Variants in DYSF observed in about 807,000 individuals in gnomAD.
DYSF encodes dysferlin.
Under a neutral mutation model 274.9 loss-of-function variants are expected in DYSF, and 212 were observed. The ratio of observed to expected loss-of-function variants is 0.77; its 90% CI spans 0.69 to 0.86. The LOEUF (loss-of-function observed/expected upper bound fraction) is 0.86, where lower values mean the gene tolerates loss of function less well. Among genes scored for constraint, DYSF ranks in the 40% least tolerant of loss-of-function variants. DYSF has a pLI of 0.00. For missense variants in DYSF, 2,666 were observed against 2,783.2 expected, an observed-to-expected ratio of 0.96 and a Z score of 0.95; for synonymous variants, 1,091 against 1,078.7, an observed-to-expected ratio of 1.01 and a Z score of -0.22.
intron 1 of DYSF, among the ~76,000 whole-genome samples, chr2:71,472,446 G>A (rs979352052): frequency 6.6e-6 from 1 of 151,708 alleles, no homozygotes; most frequent in East Asian, 1.9e-4. Context: ...TCATTCTGTC[G>A]CCCAGGCTGG....
rs548993658 is a variant in DYSF, at chr2:71,535,100, T to C, written c.1449+11T>C. 40 of 1,613,956 alleles carry C rather than the reference T, an allele frequency of 2.5e-5. No individual in the cohort carries two copies. The highest frequency in any genetic ancestry group is 3.4e-5 in the Non-Finnish European group (40 of 1,179,970). ...ACACTGCCTGCCATGGTGAGCCTCC[T>C]GCCCCCAGCAAACCCAAGGAGGCCC... is the stretch of plus-strand genomic sequence containing the variant. On this transcript the variant is annotated intron_variant, in intron 15 of 55. Transcript: ENST00000410020.
upstream of DYSF, chr2:71,466,626 T>A (rs2081550536): frequency 1.6e-6 from 2 of 1,280,360 alleles, no homozygotes; most frequent in African/African-American, 1.6e-5. Flanking sequence ...CGGATCTGGG[T>A]AGGGGCCGGA....
At chr2:71,685,491 G>A (rs2095346091) in intron 55 of DYSF, among the ~76,000 whole-genome samples, 1 of 152,210 alleles carries the variant, frequency 6.6e-6, no homozygotes, top group South Asian at 2.1e-4. Flanking sequence ...GATGATGAGG[G>A]CCGGGCCCTG....
intron 17 of DYSF, among the ~76,000 whole-genome samples, chr2:71,547,936 A>G (rs183414436): frequency 6.6e-6 from 1 of 152,284 alleles, no homozygotes; most frequent in East Asian, 1.9e-4. Context: ...CCTGTTAGTA[A>G]TCATTTAGAA....
intron 30 of DYSF, among the ~76,000 whole-genome samples, chr2:71,584,797 G>A (rs2093011374): frequency 6.6e-6 from 1 of 152,222 alleles, no homozygotes; most frequent in African/African-American, 2.4e-5. Flanking sequence ...CAGCCAAGGA[G>A]GTGCCCATAC....
intron 17 of DYSF, chr2:71,549,276 C>CA: frequency 6.8e-7 from 1 of 1,460,002 alleles, no homozygotes; most frequent in South Asian, 1.2e-5. Context: ...TCTCCATCCA[C>CA]AGCCTGTTCA....
chr2:71,618,608 GGTGTGGTAGAGGTGGTGT>G (rs1363012501), intron 40 of DYSF, among the ~76,000 whole-genome samples: 3 of 36,168 alleles, frequency 8.3e-5, no homozygotes, highest in Non-Finnish European at 1.9e-4. Flanking sequence ...AGAGGTGGTG[GGTGTGGTAGAGGTGGTGT>G]GTGTGTTACA....
intron 40 of DYSF, among the ~76,000 whole-genome samples, chr2:71,618,568 T>TGTGGGGTAGAGTTGTGTG (rs2093996474): frequency 5.7e-5 from 1 of 17,538 alleles, no homozygotes; most frequent in South Asian, 1.4e-3. Flanking sequence ...GAGTGTGTGT[T>TGTGGGGTAGAGTTGTGTG]TGTGTGGGGT....
Position 71,660,548 on chromosome 2 carries a change from C to T in DYSF, c.4912-12C>T, listed in dbSNP as rs2152943150. On this transcript the variant is annotated splice_polypyrimidine_tract_variant and intron_variant, in intron 44 of 55. Transcript: ENST00000410020. ...AAGTGTTTTCACAGAAGTGTTTTGT[C>T]TCCTCCTCCAGTGTGATCCTTACAT... is the stretch of plus-strand genomic sequence containing the variant. 6.2e-7 allele frequency: 1 copy of T among 1,611,028 alleles called. No homozygotes were observed.
chr2:71,535,299 G>A lies in DYSF; in HGVS notation c.1481G>A (p.Arg494His), dbSNP rs199879861. 1.4e-4 allele frequency: 227 copies of A among 1,614,010 alleles called. No homozygotes were observed. The highest frequency in any genetic ancestry group is 1.8e-4 in the Non-Finnish European group (217 of 1,180,008). Residue 494 changes from arginine (R) to histidine (H), a missense_variant, in exon 16 of 56, where the codon CGT becomes CAT. By Grantham distance (29) the Arg-to-His change is conservative. This residue lies in a region of DYSF where 794 missense variants were observed against 777.1 expected (regional missense o/e 1.02). Transcript: ENST00000410020. ...TCCATGTGCGAAAAAATGAGGATTC[G>A]TATCATAGACTGGTGAGTTCTGAGT... Reference protein sequence around the residue: ...FPSMCEKMRIRIIDWDRLTHN... With the variant: ...FPSMCEKMRIHIIDWDRLTHN...
intron 41 of DYSF, among the ~76,000 whole-genome samples, chr2:71,641,425 C>G (rs150073087): frequency 6.6e-6 from 1 of 151,972 alleles, no homozygotes; most frequent in Non-Finnish European, 1.5e-5. Flanking sequence ...GTGATCCACC[C>G]GCCTCGGCCT....
rs140471388 is a variant in DYSF, at chr2:71,593,396, G to C, written c.3574+3108G>C. ...TTCACCCGCCTTGGCCTCCCGGAGTGCTGGGATTACAGGCGTGAGCCACTG... is the reference window on the plus strand; with the variant it reads ...TTCACCCGCCTTGGCCTCCCGGAGTCCTGGGATTACAGGCGTGAGCCACTG... On this transcript the variant is annotated intron_variant, in intron 32 of 55. Transcript: ENST00000410020. 3.7e-3 allele frequency among the ~76,000 whole-genome samples: 557 copies of C among 152,322 alleles called. 4 individuals carry two copies. The highest frequency in any genetic ancestry group is 0.013 in the African/African-American group (528 of 41,568).
intron 41 of DYSF, among the ~76,000 whole-genome samples, chr2:71,623,742 T>G (rs1269073274): frequency 1.3e-5 from 2 of 152,112 alleles, no homozygotes; most frequent in Non-Finnish European, 2.9e-5. Context: ...TTTTATGTTA[T>G]CTCACTTGTA....
chr2:71,611,312 A>C lies in DYSF; in HGVS notation c.4025A>C (p.Asn1342Thr), dbSNP rs368907398. ...GCCAACATCTACATGGTTCCTCAGA[A>C]CATCAAGCCAGCGCTCCAGCGTACC... ...REANIYMVPQNIKPALQRTAI... is the reference protein window; with the variant it reads ...REANIYMVPQTIKPALQRTAI... Residue 1342 changes from asparagine to threonine, a missense_variant, in exon 37 of 56, where the codon AAC becomes ACC. By Grantham distance (65) the Asn-to-Thr change is moderately conservative. This residue lies in a region of DYSF where 1,460 missense variants were observed against 1,502.1 expected (regional missense o/e 0.97). Coordinates refer to ENST00000410020, the MANE Select transcript of DYSF (RefSeq NM_001130987.2). 42 of 1,614,004 alleles carry C rather than the reference A, an allele frequency of 2.6e-5. No homozygotes were observed. Among genetic ancestry groups the C allele is most frequent in the Non-Finnish European group, 3.2e-5 (38 of 1,179,896 alleles).
At chr2:71,617,690 G>T (rs1343234005) in intron 40 of DYSF, among the ~76,000 whole-genome samples, 1 of 142,948 alleles carries the variant, frequency 7.0e-6, no homozygotes, top group Non-Finnish European at 1.5e-5. Flanking sequence ...TAGAGGTGGG[G>T]TGTGTGCGTG....
At chr2:71,585,919 A>G (rs568548230) in intron 30 of DYSF, among the ~76,000 whole-genome samples, 5 of 152,182 alleles carry the variant, frequency 3.3e-5, no homozygotes, top group South Asian at 2.1e-4. Flanking sequence ...GACCTTGATG[A>G]TAAGACTGCA....
At chr2:71,652,223 CAA>C (rs2094677661) in intron 42 of DYSF, among the ~76,000 whole-genome samples, 1 of 152,174 alleles carries the variant, frequency 6.6e-6, no homozygotes, top group South Asian at 2.1e-4. Flanking sequence ...AAAGACAAGA[CAA>C]GACTCACTGT....
chr2:71,553,752 A>AAACACCCCCCCCCCCCAACAAAG, intron 20 of DYSF, 55 bp from the exon 21 acceptor site: 1 of 267,804 alleles, frequency 3.7e-6, no homozygotes, highest in Non-Finnish European at 6.7e-6. Context: ...TTAGCACCCC[A>AAACACCCCCCCCCCCCAACAAAG]TCCCACCCGC....
chr2:71,470,670 T>C (rs1474867802), intron 1 of DYSF, among the ~76,000 whole-genome samples: 19 of 92,702 alleles, frequency 2.0e-4, no homozygotes, highest in African/African-American at 8.0e-4. Context: ...TGAGACTCCA[T>C]CTCAAAAAAA....
Sources: allele counts gnomAD v4.1 joint callset (sites outside exome capture counted in the v4.1 genomes callset), GRCh38; gene constraint gnomAD v4.1.1; regional missense constraint gnomAD v4.1.1; transcripts MANE v1.5; gene names NCBI Gene and HGNC (gene_info 2026-07-23, HGNC 2026-07-21).